The following OXR1 variants were observed in gnomAD, a reference collection of about 807,000 sequenced individuals.
The protein encoded by OXR1 is oxidation resistance protein 1.
Under a neutral mutation model 104.6 loss-of-function variants are expected in OXR1, and 41 were observed. The observed-to-expected ratio is 0.39, with a 90% CI of 0.31 to 0.51. The LOEUF is 0.51. OXR1 is among the 20% of genes least tolerant of loss of function. The probability of loss-of-function intolerance (pLI) is 0.77; values close to 1 mark genes in which losing one functional copy is unlikely to be tolerated. For synonymous variants in OXR1, 348 were observed against 348.4 expected, an observed-to-expected ratio of 1.00 and a Z score of 0.01; for missense variants, 955 against 1,031.9, an observed-to-expected ratio of 0.93 and a Z score of 1.02.
intron 11 of OXR1, among the ~76,000 whole-genome samples, chr8:106,720,051 C>T (rs1237860739): frequency 6.6e-6 from 1 of 152,202 alleles, no homozygotes; most frequent in Non-Finnish European, 1.5e-5. Flanking sequence ...CATGATCCGC[C>T]TGCCTTGGCC....
intron 1 of OXR1, among the ~76,000 whole-genome samples, chr8:106,286,373 G>GTTT (rs3044299): frequency 2.2e-5 from 3 of 138,176 alleles, no homozygotes; most frequent in African/African-American, 8.2e-5. Context: ...TTAAGTTAGG[G>GTTT]TTTTTTTTTT....
chr8:106,596,005 T>G (rs1337872805), intron 3 of OXR1, among the ~76,000 whole-genome samples: 1 of 152,222 alleles, frequency 6.6e-6, no homozygotes, highest in East Asian at 1.9e-4. Context: ...AATTTCAAGT[T>G]ATCATTTATT....
chr8:106,728,468 C>T (rs1302108005), intron 11 of OXR1, among the ~76,000 whole-genome samples: 1 of 151,990 alleles, frequency 6.6e-6, no homozygotes, highest in Non-Finnish European at 1.5e-5. Context: ...TGTGTGTTAA[C>T]CAGATTGTTT....
chr8:106,282,060 A>C (rs1812313202), intron 1 of OXR1, among the ~76,000 whole-genome samples: 1 of 152,216 alleles, frequency 6.6e-6, no homozygotes, highest in South Asian at 2.1e-4. Context: ...ATGTCAAGTT[A>C]ATCATAGTCT....
chr8:106,689,068 C>G lies in OXR1; in HGVS notation c.526-3660C>G, dbSNP rs1256342448. 2.0e-5 allele frequency among the ~76,000 whole-genome samples: 3 copies of G among 151,968 alleles called. No individual in the cohort carries two copies. The South Asian group carries it at 6.2e-4, about 31-fold the overall frequency. On this transcript the variant is annotated intron_variant, in intron 6 of 16. Transcript: ENST00000517566. ...ACCTATATTAGTTTCCTAGTATTATCATAACAAAGGGTGACAAATTGGGTG... is the reference window on the plus strand; with the variant it reads ...ACCTATATTAGTTTCCTAGTATTATGATAACAAAGGGTGACAAATTGGGTG...
At chr8:106,727,352 T>C (rs1833444420) in intron 11 of OXR1, among the ~76,000 whole-genome samples, 3 of 152,226 alleles carry the variant, frequency 2.0e-5, no homozygotes, top group Non-Finnish European at 4.4e-5. Context: ...TATAGGTCAA[T>C]CTAATTAATG....
At chr8:106,713,775 C>T in intron 10 of OXR1, 48 bp from the exon 11 acceptor site, 1 of 1,106,592 alleles carries the variant, frequency 9.0e-7, no homozygotes, top group Non-Finnish European at 1.2e-6. Flanking sequence ...TTTTTTAATT[C>T]TGGCAGCACA....
At chr8:106,545,421 T>C (rs1410864091) in intron 3 of OXR1, among the ~76,000 whole-genome samples, 1 of 152,188 alleles carries the variant, frequency 6.6e-6, no homozygotes, top group Admixed American at 6.5e-5. Context: ...GTCCGTTTTA[T>C]ACTGGGTAGC....
In OXR1 at chr8:106,554,366, A is replaced by G. The variant is rs190052293; in HGVS notation, c.220+35227A>G. Among the ~76,000 whole-genome samples, 122 of 152,354 alleles carry G rather than the reference A, an allele frequency of 8.0e-4. 1 individual carries two copies. Among genetic ancestry groups the G allele is most frequent in the Non-Finnish European group, 1.3e-3 (86 of 68,026 alleles). ...GTTTTTTTCCGCAAGGGATTTTTCAAGGGTGAAATGATTCATTTTATGTTA... is the reference window on the plus strand; with the variant it reads ...GTTTTTTTCCGCAAGGGATTTTTCAGGGGTGAAATGATTCATTTTATGTTA... On this transcript the variant is annotated intron_variant, in intron 3 of 16. Transcript: ENST00000517566.
At chr8:106,649,985 C>T (rs191717873) in intron 3 of OXR1, among the ~76,000 whole-genome samples, 117 of 152,122 alleles carry the variant, frequency 7.7e-4, no homozygotes, top group African/African-American at 2.5e-3. Flanking sequence ...TGTGAGTCAC[C>T]GCACCTGGCC....
chr8:106,581,521 T>TTTTTTTA (rs2130629542), intron 3 of OXR1, among the ~76,000 whole-genome samples: 1 of 152,280 alleles, frequency 6.6e-6, no homozygotes, highest in South Asian at 2.1e-4. Context: ...AAAAACCTTT[T>TTTTTTTA]AAACATTTGT....
At chr8:106,463,679 C>T (rs1821025662) in intron 2 of OXR1, among the ~76,000 whole-genome samples, 1 of 152,112 alleles carries the variant, frequency 6.6e-6, no homozygotes, top group South Asian at 2.1e-4. Flanking sequence ...AGTTTAGCCA[C>T]TTACCTGCTG....
chr8:106,326,299 G>A (rs1814466180), intron 1 of OXR1, among the ~76,000 whole-genome samples: 1 of 152,092 alleles, frequency 6.6e-6, no homozygotes, highest in Admixed American at 6.5e-5. Flanking sequence ...ATGAGTGCAG[G>A]GATACTCTGG....
At chr8:106,310,684 G>A (rs900436726) in intron 1 of OXR1, among the ~76,000 whole-genome samples, 1 of 152,144 alleles carries the variant, frequency 6.6e-6, no homozygotes, top group African/African-American at 2.4e-5. Flanking sequence ...AATAGGTACA[G>A]GAATATAGGT....
At chr8:106,737,116 T>TCA (rs1388764148) in intron 11 of OXR1, among the ~76,000 whole-genome samples, 2 of 152,158 alleles carry the variant, frequency 1.3e-5, no homozygotes, top group African/African-American at 4.8e-5. Context: ...ATGTTTGAGC[T>TCA]CACCTGATTT....
intron 8 of OXR1, among the ~76,000 whole-genome samples, chr8:106,704,025 A>G (rs1830851892): frequency 6.6e-6 from 1 of 152,204 alleles, no homozygotes; most frequent in Non-Finnish European, 1.5e-5. Flanking sequence ...TTTCTGAGGA[A>G]GACTAAATGA....
intron 1 of OXR1, among the ~76,000 whole-genome samples, chr8:106,349,793 A>G (rs1815647281): frequency 6.6e-6 from 1 of 152,148 alleles, no homozygotes; most frequent in Admixed American, 6.6e-5. Context: ...AGGCAAAGGG[A>G]ATAACACGTC....
intron 3 of OXR1, among the ~76,000 whole-genome samples, chr8:106,666,932 C>T (rs1051612994): frequency 2.0e-5 from 3 of 152,270 alleles, no homozygotes; most frequent in Non-Finnish European, 4.4e-5. Context: ...TGTGACTAGG[C>T]ACATGTAGCT....
intron 1 of OXR1, among the ~76,000 whole-genome samples, chr8:106,275,303 T>A (rs1811993155): frequency 1.3e-5 from 2 of 152,238 alleles, no homozygotes; most frequent in Admixed American, 1.3e-4. Context: ...TTGTTTGACA[T>A]CTGAGCAAGG....
Sources: allele counts gnomAD v4.1 joint callset (sites outside exome capture counted in the v4.1 genomes callset), GRCh38; gene constraint gnomAD v4.1.1; transcripts MANE v1.5; gene names NCBI Gene and HGNC (gene_info 2026-07-23, HGNC 2026-07-21).